SSR3: variants seen among roughly 807,000 people sequenced by gnomAD.
The protein encoded by SSR3 is translocon-associated protein subunit gamma.
In SSR3, 10 loss-of-function variants were observed where a neutral mutation model predicts 22.1. The ratio of observed to expected loss-of-function variants is 0.45; its 90% CI spans 0.28 to 0.77. SSR3 has a LOEUF of 0.77. Among genes scored for constraint, SSR3 ranks in the 30% least tolerant of loss-of-function variants. The pLI is 0.13. For missense variants in SSR3, 181 were observed against 220.5 expected (o/e 0.82, Z 1.13); for synonymous variants, 104 against 82.5 (o/e 1.26, Z -1.42).
chr3:156,543,291 G>C (rs749086254), intron 4 of SSR3, 22 bp from the exon 5 acceptor site: 1 of 1,597,604 alleles, frequency 6.3e-7, no homozygotes, highest in South Asian at 1.1e-5. Context: ...TTAATGTTAT[G>C]GAAAAATGAG....
chr3:156,550,577 C>T (rs958698885), intron 2 of SSR3, among the ~76,000 whole-genome samples: 9 of 152,130 alleles, frequency 5.9e-5, no homozygotes, highest in Non-Finnish European at 1.2e-4. Context: ...ATAGAGGTCA[C>T]GCTAGTGACC....
chr3:156,543,387 A>G, intron 4 of SSR3, 118 bp from the exon 5 acceptor site: 1 of 700,188 alleles, frequency 1.4e-6, no homozygotes, highest in Non-Finnish European at 2.4e-6. Flanking sequence ...TGTAATCATA[A>G]TGATGTGCAG....
rs1719365268 is a variant in SSR3, at chr3:156,539,920, T to C, written c.*3283A>G. Among the ~76,000 whole-genome samples the C allele has an allele frequency of 6.6e-6, 1 of 152,180 alleles. No homozygotes were observed. The highest frequency in any genetic ancestry group is 2.4e-5 in the African/African-American group (1 of 41,420). Reference sequence around the variant, plus strand: ...CTTTCATTGCCTCACATACATTTGATTGGTAACTACAAAGATGTGCATTTA... The same window carrying C: ...CTTTCATTGCCTCACATACATTTGACTGGTAACTACAAAGATGTGCATTTA... On this transcript the variant is annotated 3_prime_UTR_variant, in exon 5 of 5. Coordinates refer to ENST00000265044, the MANE Select transcript of SSR3 (RefSeq NM_007107.5).
rs984047476 is a variant in SSR3 at position 156,540,307 on chromosome 3, T to C, written c.*2896A>G. ...AGGACAACCAGTAAACTTTTATTGC[T>C]TAAGAATATCAATCTAGGCCGGGCG... On this transcript the variant is annotated 3_prime_UTR_variant, in exon 5 of 5. Coordinates refer to ENST00000265044, the MANE Select transcript of SSR3 (RefSeq NM_007107.5). 4.6e-5 allele frequency: 7 copies of C among 152,134 alleles called. No homozygotes were observed. The highest frequency in any genetic ancestry group is 1.3e-4 in the Admixed American group (2 of 15,264). The allele number at this position is 152,134 out of a possible 1,614,324, so 9.4% of individuals were successfully genotyped here. A position where few individuals can be genotyped will look rare whatever the true frequency, so the allele number is the denominator to read the frequency against.
intron 2 of SSR3, among the ~76,000 whole-genome samples, chr3:156,549,868 A>C (rs1719888538): frequency 6.6e-6 from 1 of 152,242 alleles, no homozygotes; most frequent in South Asian, 2.1e-4. Context: ...TCTGAAACCT[A>C]AAGTAAAAGG....
chr3:156,544,486 A>G (rs1172055699), intron 3 of SSR3, 47 bp from the exon 4 acceptor site: 4 of 1,460,340 alleles, frequency 2.7e-6, no homozygotes, highest in African/African-American at 2.9e-5. Context: ...TATGATTTAA[A>G]AAAACTTTTA....
At position 156,550,277 on chromosome 3, in the gene SSR3, C is replaced by T. The variant is rs111742415; in HGVS notation, c.261-1274G>A. ...AAATATATACACACACCCCAACTAT[C>T]AAGTTGTTAGCACACAGGAATAAAC... On this transcript the variant is annotated intron_variant, in intron 2 of 4. Transcript: ENST00000265044. Among the ~76,000 whole-genome samples, 87 of 152,330 alleles carry T rather than the reference C, an allele frequency of 5.7e-4. 1 individual carries two copies. Among genetic ancestry groups the T allele is most frequent in the African/African-American group, 1.8e-3 (73 of 41,578 alleles).
Position 156,542,878 on chromosome 3 carries a change from A to G in SSR3, c.*325T>C, listed in dbSNP as rs186598830. ...TCCTACTACTATTATATAATAAATA[A>G]TAACAGCTCGGCCCAGGTTACTGTG... On this transcript the variant is annotated 3_prime_UTR_variant, in exon 5 of 5. Coordinates refer to ENST00000265044, the MANE Select transcript of SSR3 (RefSeq NM_007107.5). The G allele has an allele frequency of 2.7e-5, 7 of 259,530 alleles. No individual in the cohort carries two copies. The East Asian group carries it at 3.6e-4, about 13-fold the overall frequency. The allele number at this position is 259,530 out of a possible 1,614,324, so 16.1% of individuals were successfully genotyped here.
At chr3:156,545,453 C>T (rs1227197577) in intron 3 of SSR3, among the ~76,000 whole-genome samples, 2 of 152,136 alleles carry the variant, frequency 1.3e-5, no homozygotes, top group Non-Finnish European at 2.9e-5. Flanking sequence ...CACTTTGTCT[C>T]CCAAAAAGAT....
intron 3 of SSR3, among the ~76,000 whole-genome samples, chr3:156,544,855 C>T (rs998173006): frequency 1.3e-5 from 2 of 152,206 alleles, no homozygotes; most frequent in African/African-American, 4.8e-5. Context: ...GGATTTCAGA[C>T]TTCAATATCA....
chr3:156,555,013 G>A lies in SSR3; in HGVS notation c.77C>T (p.Ala26Val). The A allele has an allele frequency of 1.2e-6, 2 of 1,614,066 alleles. No individual in the cohort carries two copies. Among genetic ancestry groups the A allele is most frequent in the Non-Finnish European group, 1.7e-6 (2 of 1,179,958 alleles). Reference sequence around the variant, plus strand: ...TCCGAAGAAGAGCGCGGAGGACTTGGCCGAGAGATTGCGGCTGAAATCCTG... The same window carrying A: ...TCCGAAGAAGAGCGCGGAGGACTTGACCGAGAGATTGCGGCTGAAATCCTG... The part of the protein sequence containing the change: ...LLQDFSRNLS[A>V]KSSALFFGNA... Residue 26 changes from alanine (A) to valine (V), a missense_variant, in exon 1 of 5, where the codon GCC becomes GTC. By Grantham distance (64) the Ala-to-Val change is moderately conservative. Transcript: ENST00000265044.
chr3:156,547,579 C>T (rs752921389), intron 3 of SSR3, among the ~76,000 whole-genome samples: 2 of 152,100 alleles, frequency 1.3e-5, no homozygotes, highest in East Asian at 1.9e-4. Context: ...CTATGCAGCC[C>T]GACCTCATTA....
intron 1 of SSR3, among the ~76,000 whole-genome samples, chr3:156,554,457 C>T (rs1720077312): frequency 6.6e-6 from 1 of 152,158 alleles, no homozygotes; most frequent in Non-Finnish European, 1.5e-5. Context: ...GCACTTCAAC[C>T]TCTCTCTTTT....
At chr3:156,550,854 T>C (rs920541899) in intron 2 of SSR3, among the ~76,000 whole-genome samples, 1 of 152,200 alleles carries the variant, frequency 6.6e-6, no homozygotes, top group Admixed American at 6.5e-5. Context: ...TTAACATGTA[T>C]GATCATAATG....
intron 4 of SSR3, 96 bp downstream of exon 4, chr3:156,544,212 G>A (rs1396340346): frequency 8.2e-7 from 1 of 1,225,268 alleles, no homozygotes; most frequent in Non-Finnish European, 1.1e-6. Flanking sequence ...TCCCAGAGCA[G>A]TTTTTCTTTC....
chr3:156,551,204 A>G (rs10936031), intron 2 of SSR3, among the ~76,000 whole-genome samples: 18,163 of 152,196 alleles, frequency 0.12, 1,122 homozygotes, highest in East Asian at 0.21. Context: ...ACTGAACTAA[A>G]TGTACCATTA....
chr3:156,544,607 G>GA (rs35584247), intron 3 of SSR3, among the ~76,000 whole-genome samples, 168 bp from the exon 4 acceptor site: 65,127 of 151,848 alleles, frequency 0.43, 15,151 homozygotes, highest in East Asian at 0.61. Flanking sequence ...TTCTTCCACT[G>GA]AAAAAAAATA....
Position 156,539,557 on chromosome 3 carries a change from C to A in SSR3, c.*3646G>T, listed in dbSNP as rs956801290. On this transcript the variant is annotated 3_prime_UTR_variant, in exon 5 of 5. Transcript: ENST00000265044. ...CAGAAATCAAACAGGGATAAGTCAG[C>A]GAAAAGATGATATATTGAAAATTCA... Among the ~76,000 whole-genome samples the A allele has an allele frequency of 6.6e-6, 1 of 151,886 alleles. No individual in the cohort carries two copies. Among genetic ancestry groups the A allele is most frequent in the Non-Finnish European group, 1.5e-5 (1 of 67,996 alleles).
chr3:156,549,047 A>C (rs377124695), intron 2 of SSR3, 44 bp from the exon 3 acceptor site: 35 of 1,574,144 alleles, frequency 2.2e-5, no homozygotes, highest in Non-Finnish European at 2.8e-5. Context: ...TATGCTACAG[A>C]GGTGAACATC....
Sources: gnomAD v4.1 joint callset for allele counts (sites outside exome capture counted in the v4.1 genomes callset) on GRCh38, gnomAD v4.1.1 for gene constraint, MANE v1.5 for transcripts, NCBI Gene and HGNC (gene_info 2026-07-23, HGNC 2026-07-21) for gene names.